Variants in RBKS observed in about 807,000 individuals in gnomAD.
RBKS encodes ribokinase.
RBKS carries 33 observed loss-of-function variants against 33.9 expected under a neutral mutation model. That is an observed-to-expected ratio of 0.97 (90% CI 0.74 to 1.30). The LOEUF is 1.30. Among genes scored for constraint, RBKS ranks in the 50% most tolerant of loss-of-function variants. The probability of loss-of-function intolerance (pLI) is 0.00; values close to 1 mark genes in which losing one functional copy is unlikely to be tolerated. For synonymous variants in RBKS, 125 were observed against 143.0 expected (o/e 0.87, Z 0.90); for missense variants, 361 against 392.6 (o/e 0.92, Z 0.68).
At chr2:27,867,103 C>CAA (rs59698190) in intron 1 of RBKS, among the ~76,000 whole-genome samples, 96,312 of 140,828 alleles carry the variant, frequency 0.68, 33,322 homozygotes, top group East Asian at 0.96. Flanking sequence ...GACCCTGTCT[C>CAA]AAAAAAAAAA....
At chr2:27,790,165 C>A (rs982323978) in intron 7 of RBKS, among the ~76,000 whole-genome samples, 3 of 151,550 alleles carry the variant, frequency 2.0e-5, no homozygotes, top group Non-Finnish European at 4.4e-5. Flanking sequence ...TTTTGGATTG[C>A]AGATTTTGGA....
intron 2 of RBKS, among the ~76,000 whole-genome samples, chr2:27,850,079 C>T (rs1474913364): frequency 2.0e-5 from 3 of 152,214 alleles, no homozygotes; most frequent in Non-Finnish European, 2.9e-5. Context: ...GTTGAATCTA[C>T]AGCAGAGGTT....
At chr2:27,790,690 C>G (rs533592539) in intron 7 of RBKS, among the ~76,000 whole-genome samples, 2 of 152,142 alleles carry the variant, frequency 1.3e-5, no homozygotes, top group African/African-American at 4.8e-5. Context: ...TCATCAGACA[C>G]TAGGGAAATG....
intron 7 of RBKS, among the ~76,000 whole-genome samples, chr2:27,812,815 C>T (rs1678011296): frequency 6.6e-6 from 1 of 151,558 alleles, no homozygotes. Context: ...ACGTAACAAA[C>T]CTGCACATTG....
At chr2:27,786,500 T>TGA (rs1677403640) in intron 7 of RBKS, among the ~76,000 whole-genome samples, 2 of 152,276 alleles carry the variant, frequency 1.3e-5, no homozygotes, top group Non-Finnish European at 2.9e-5. Flanking sequence ...TTTAAAAATA[T>TGA]GGCTGGGCGC....
At position 27,886,654 on chromosome 2, in the gene RBKS, G is replaced by A. The variant is rs577891801; in HGVS notation, c.89+3603C>T. Among the ~76,000 whole-genome samples the A allele has an allele frequency of 2.2e-3, 336 of 152,164 alleles. 3 individuals carry two copies. Among genetic ancestry groups the A allele is most frequent in the Non-Finnish European group, 4.1e-3 (276 of 68,006 alleles). ...CTTTGGGACACCAAGTAGGAGGATC[G>A]CTTGAGCCCAGGGGTTCAAGACCAG... On this transcript the variant is annotated intron_variant, in intron 1 of 7. Coordinates refer to ENST00000302188, the MANE Select transcript of RBKS (RefSeq NM_022128.3).
chr2:27,814,811 G>T (rs567548676), intron 7 of RBKS, among the ~76,000 whole-genome samples: 1 of 152,250 alleles, frequency 6.6e-6, no homozygotes, highest in South Asian at 2.1e-4. Flanking sequence ...CTTTTTCAGA[G>T]GTTGTACCAC....
rs752547821 is a variant in RBKS at position 27,837,464 on chromosome 2, T to C, written c.515-4687A>G. 7.2e-5 allele frequency among the ~76,000 whole-genome samples: 11 copies of C among 152,174 alleles called. No homozygotes were observed. Among genetic ancestry groups the C allele is most frequent in the Non-Finnish European group, 1.5e-4 (10 of 68,028 alleles). The stretch of plus-strand genomic sequence containing the variant: ...ATAGACCTACCATTTGACCCAGCAA[T>C]CCTATGCCTGGTACACACCCAAAGG... On this transcript the variant is annotated intron_variant, in intron 5 of 7. Transcript: ENST00000302188. This position sits in a 1 kb window ranked among gnomAD's most constrained non-coding sequence, Gnocchi z 4.0.
intron 4 of RBKS, among the ~76,000 whole-genome samples, chr2:27,846,676 A>T (rs4564736): frequency 0.34 from 52,292 of 152,082 alleles, 10,773 homozygotes; most frequent in East Asian, 0.63. Flanking sequence ...CTATTTACAT[A>T]TACTTACCTA....
At chr2:27,870,714 G>C (rs2148226111) in intron 1 of RBKS, 4 of 453,228 alleles carry the variant, frequency 8.8e-6, no homozygotes, top group South Asian at 4.7e-5. Context: ...TCTTTGATGT[G>C]AGTAGTGAAA....
chr2:27,879,220 G>C (rs1664373795), intron 1 of RBKS, among the ~76,000 whole-genome samples: 1 of 152,122 alleles, frequency 6.6e-6, no homozygotes, highest in African/African-American at 2.4e-5. Context: ...ATAACCTGCA[G>C]GCACTTACCA....
At chr2:27,883,621 C>T (rs1264496788) in intron 1 of RBKS, among the ~76,000 whole-genome samples, 1 of 152,200 alleles carries the variant, frequency 6.6e-6, no homozygotes, top group East Asian at 1.9e-4. Flanking sequence ...CCTTAGGTTA[C>T]AGACATGAAA....
At chr2:27,789,949 GTATATATATATATATATATATATGTA>G (rs1396998915) in intron 7 of RBKS, among the ~76,000 whole-genome samples, 1 of 121,512 alleles carries the variant, frequency 8.2e-6, no homozygotes, top group Non-Finnish European at 1.6e-5. Context: ...ATGTATATGT[GTATATATATATATATATATATATGTA>G]TATATATATG....
chr2:27,801,145 C>G (rs1430308901), intron 7 of RBKS, among the ~76,000 whole-genome samples: 1 of 152,138 alleles, frequency 6.6e-6, no homozygotes, highest in Non-Finnish European at 1.5e-5. Context: ...GGCTGGAGGA[C>G]GGGGCAGGCA....
At chr2:27,828,305 A>T (rs1201949817) in intron 6 of RBKS, among the ~76,000 whole-genome samples, 6 of 152,144 alleles carry the variant, frequency 3.9e-5, no homozygotes, top group Admixed American at 2.0e-4. Flanking sequence ...CCAAAAAAAA[A>T]AGAAAAAGGA....
In RBKS at chr2:27,882,387, A is replaced by G. The variant is rs371716004; in HGVS notation, c.89+7870T>C. Among the ~76,000 whole-genome samples, 11 of 152,254 alleles carry G rather than the reference A, an allele frequency of 7.2e-5. No individual in the cohort carries two copies. The East Asian group carries it at 1.3e-3, about 19-fold the overall frequency. On this transcript the variant is annotated intron_variant, in intron 1 of 7. Coordinates refer to ENST00000302188, the MANE Select transcript of RBKS (RefSeq NM_022128.3). ...CAAAACCACAATGAGATACCATCTCATACCAGTCAGAATGACTATTACTAA... is the reference window on the plus strand; with the variant it reads ...CAAAACCACAATGAGATACCATCTCGTACCAGTCAGAATGACTATTACTAA...
intron 7 of RBKS, among the ~76,000 whole-genome samples, chr2:27,821,572 T>C (rs561541153): frequency 4.6e-5 from 7 of 152,236 alleles, no homozygotes; most frequent in Non-Finnish European, 7.3e-5. Flanking sequence ...TCTTTATACC[T>C]TTCTGTGTTG....
At chr2:27,867,044 C>T (rs1343702798) in intron 1 of RBKS, among the ~76,000 whole-genome samples, 1 of 149,786 alleles carries the variant, frequency 6.7e-6, no homozygotes, top group Non-Finnish European at 1.5e-5. Flanking sequence ...GTTGAGGCTG[C>T]AGTGAGCTCT....
chr2:27,829,955 C>T (rs1373475797), intron 6 of RBKS, among the ~76,000 whole-genome samples: 2 of 152,126 alleles, frequency 1.3e-5, no homozygotes, highest in Admixed American at 6.5e-5. Context: ...TGGTTTCCAT[C>T]TGTGGGCTCG....
Sources: allele counts gnomAD v4.1 joint callset (sites outside exome capture counted in the v4.1 genomes callset), GRCh38; gene constraint gnomAD v4.1.1; non-coding constraint Gnocchi (gnomAD v3.1); transcripts MANE v1.5; gene names NCBI Gene and HGNC (gene_info 2026-07-23, HGNC 2026-07-21).